The following CHRNA7 variants were observed in gnomAD, a reference collection of about 807,000 sequenced individuals.
CHRNA7 encodes cholinergic receptor nicotinic alpha 7 subunit.
Under a neutral mutation model 48.0 loss-of-function variants are expected in CHRNA7, and 17 were observed. The ratio of observed to expected loss-of-function variants is 0.35; its 90% CI spans 0.24 to 0.53. CHRNA7 has a LOEUF of 0.53. Ranked by LOEUF, CHRNA7 falls within the 20% of genes least tolerant of loss-of-function variation. CHRNA7 has a pLI of 0.92. For synonymous variants in CHRNA7, 75 were observed against 242.3 expected, an observed-to-expected ratio of 0.31 and a Z score of 6.41; for missense variants, 155 against 577.7, an observed-to-expected ratio of 0.27 and a Z score of 7.50.
intron 2 of CHRNA7, among the ~76,000 whole-genome samples, chr15:32,065,846 CTG>C (rs1383197166): frequency 6.6e-6 from 1 of 150,704 alleles, no homozygotes; most frequent in Non-Finnish European, 1.5e-5. Context: ...ACTGCAAACA[CTG>C]GGGACAGAGC....
At chr15:32,061,119 A>G (rs1045193915) in intron 2 of CHRNA7, among the ~76,000 whole-genome samples, 20 of 152,138 alleles carry the variant, frequency 1.3e-4, no homozygotes, top group African/African-American at 4.6e-4. Context: ...GATGTTGTTG[A>G]TTGGATACCA....
intron 2 of CHRNA7, among the ~76,000 whole-genome samples, chr15:32,052,267 T>C (rs2049701944): frequency 6.6e-6 from 1 of 151,880 alleles, no homozygotes; most frequent in Non-Finnish European, 1.5e-5. Flanking sequence ...ACCACCTAGT[T>C]GATCATCACT....
At chr15:32,049,540 C>G (rs2049625014) in intron 2 of CHRNA7, among the ~76,000 whole-genome samples, 1 of 152,130 alleles carries the variant, frequency 6.6e-6, no homozygotes, top group African/African-American at 2.4e-5. Flanking sequence ...CTATGTGTGT[C>G]TCTGCACGTG....
intron 2 of CHRNA7, among the ~76,000 whole-genome samples, chr15:32,091,301 G>C (rs919381427): frequency 6.6e-6 from 1 of 152,028 alleles, no homozygotes; most frequent in African/African-American, 2.4e-5. Flanking sequence ...TTTTGATCAG[G>C]AGGGTATAAT....
At chr15:32,111,646 A>G (rs2141279463) in intron 3 of CHRNA7, 144 bp from the exon 4 acceptor site, 1 of 575,078 alleles carries the variant, frequency 1.7e-6, no homozygotes, top group South Asian at 2.6e-5. Context: ...TTGAATTCCC[A>G]TTTTCATTAT....
chr15:32,097,310 T>C (rs2050487585), intron 2 of CHRNA7, among the ~76,000 whole-genome samples: 1 of 151,988 alleles, frequency 6.6e-6, no homozygotes, highest in Admixed American at 6.5e-5. Flanking sequence ...AGTGCAATGG[T>C]CTGAATGTTT....
chr15:32,116,924 AC>A (rs2050881647), intron 4 of CHRNA7, among the ~76,000 whole-genome samples: 1 of 151,956 alleles, frequency 6.6e-6, no homozygotes, highest in African/African-American at 2.4e-5. Context: ...CATTTTCCTG[AC>A]CCTGTGGCTG....
At chr15:32,086,381 A>T (rs1000423672) in intron 2 of CHRNA7, among the ~76,000 whole-genome samples, 7 of 151,966 alleles carry the variant, frequency 4.6e-5, no homozygotes, top group African/African-American at 7.2e-5. Flanking sequence ...AAAAAAAAAA[A>T]AAAAAAAAAG....
At chr15:32,089,958 T>G (rs1162250962) in intron 2 of CHRNA7, among the ~76,000 whole-genome samples, 1 of 152,230 alleles carries the variant, frequency 6.6e-6, no homozygotes, top group African/African-American at 2.4e-5. Context: ...TTAAGTACTC[T>G]TTCTCAGAGA....
intron 2 of CHRNA7, among the ~76,000 whole-genome samples, chr15:32,097,182 C>A (rs1203364280): frequency 6.6e-6 from 1 of 152,124 alleles, no homozygotes; most frequent in African/African-American, 2.4e-5. Flanking sequence ...GTCGGGAGCC[C>A]CCAGGGTCTT....
intron 4 of CHRNA7, among the ~76,000 whole-genome samples, chr15:32,116,050 C>T (rs1003663545): frequency 6.6e-6 from 1 of 152,172 alleles, no homozygotes; most frequent in African/African-American, 2.4e-5. Context: ...ATGCTTTCTG[C>T]CAGCTTCTAG....
intron 2 of CHRNA7, among the ~76,000 whole-genome samples, chr15:32,093,762 C>T (rs1046949194): frequency 1.3e-5 from 2 of 152,154 alleles, no homozygotes; most frequent in Non-Finnish European, 2.9e-5. Context: ...GAATCACATG[C>T]TGACCTGTTG....
chr15:32,053,491 C>T (rs184373889), intron 2 of CHRNA7, among the ~76,000 whole-genome samples: 5 of 152,190 alleles, frequency 3.3e-5, no homozygotes, highest in South Asian at 2.1e-4. Context: ...AGTTATAAAC[C>T]ATTATAGCCA....
intron 4 of CHRNA7, among the ~76,000 whole-genome samples, chr15:32,121,668 G>C (rs1459116998): frequency 1.3e-5 from 2 of 152,202 alleles, no homozygotes; most frequent in Non-Finnish European, 2.9e-5. Context: ...ATACGTCTTG[G>C]TCTGTCTGGG....
At chr15:32,111,588 CCT>C in intron 3 of CHRNA7, 200 bp from the exon 4 acceptor site, 1 of 526,334 alleles carries the variant, frequency 1.9e-6, no homozygotes, top group Admixed American at 3.5e-5. Context: ...GACAGCAGAA[CCT>C]TAAATGTGAG....
At chr15:32,116,983 C>T (rs1489189068) in intron 4 of CHRNA7, among the ~76,000 whole-genome samples, 2 of 152,162 alleles carry the variant, frequency 1.3e-5, no homozygotes, top group Non-Finnish European at 2.9e-5. Context: ...CACTTGAGAG[C>T]AGTGTGGCCA....
chr15:32,122,521 G>A (rs2050988918), intron 4 of CHRNA7, among the ~76,000 whole-genome samples: 1 of 151,994 alleles, frequency 6.6e-6, no homozygotes, highest in African/African-American at 2.4e-5. Context: ...ACATTTTTGT[G>A]TTGTTTCCTT....
intron 3 of CHRNA7, among the ~76,000 whole-genome samples, chr15:32,106,165 G>GA (rs923914493): frequency 1.3e-5 from 2 of 152,210 alleles, no homozygotes; most frequent in African/African-American, 4.8e-5. Context: ...GCTGGGTACT[G>GA]AAGGCTCTCA....
chr15:32,047,512 C>T (rs2049574376), intron 2 of CHRNA7, among the ~76,000 whole-genome samples: 1 of 152,120 alleles, frequency 6.6e-6, no homozygotes, highest in Non-Finnish European at 1.5e-5. Flanking sequence ...GATTTTTGTA[C>T]ATTGATTTTG....
Sources: gnomAD v4.1 joint callset for allele counts (sites outside exome capture counted in the v4.1 genomes callset) on GRCh38, gnomAD v4.1.1 for gene constraint, MANE v1.5 for transcripts, NCBI Gene and HGNC (gene_info 2026-07-23, HGNC 2026-07-21) for gene names.